The following HYDIN variants were observed in gnomAD, a reference collection of about 807,000 sequenced individuals.
The protein encoded by HYDIN is HYDIN axonemal central pair apparatus protein, also known as axonemal central pair apparatus protein HYDIN.
A neutral mutation model predicts 403.9 loss-of-function variants in HYDIN; 132 were observed. The ratio of observed to expected loss-of-function variants is 0.33; its 90% CI spans 0.28 to 0.38. The LOEUF (loss-of-function observed/expected upper bound fraction) is 0.38, where lower values mean the gene tolerates loss of function less well. Among genes scored for constraint, HYDIN ranks in the 10% least tolerant of loss-of-function variants. The probability of loss-of-function intolerance (pLI) is 1.00; values close to 1 mark genes in which losing one functional copy is unlikely to be tolerated. For missense variants in HYDIN, 2,827 were observed against 5,009.5 expected, an observed-to-expected ratio of 0.56 and a Z score of 13.15; for synonymous variants, 1,202 against 1,891.7, an observed-to-expected ratio of 0.64 and a Z score of 9.46.
intron 65 of HYDIN, 119 bp downstream of exon 65, chr16:70,871,918 T>G (rs1462131639): frequency 8.6e-6 from 5 of 584,218 alleles, no homozygotes; most frequent in Admixed American, 2.9e-5. Context: ...TCCTGGGCTG[T>G]CTCTCAGCTT....
At chr16:71,120,840 T>G (rs984503436) in intron 9 of HYDIN, among the ~76,000 whole-genome samples, 7 of 152,158 alleles carry the variant, frequency 4.6e-5, no homozygotes, top group Non-Finnish European at 1.0e-4. Flanking sequence ...CGACTCAACT[T>G]TTACATTTAT....
intron 18 of HYDIN, among the ~76,000 whole-genome samples, chr16:71,048,485 C>T (rs529165065): frequency 2.2e-5 from 3 of 135,426 alleles, no homozygotes; most frequent in Non-Finnish European, 5.0e-5. Flanking sequence ...CTTTTCTCAG[C>T]ATTATTGCCA....
At position 71,197,760 on chromosome 16, in the gene HYDIN, T is replaced by TTGTC. The variant is rs200339479; in HGVS notation, c.-23-10843_-23-10842insGACA. Reference sequence around the variant, plus strand: ...GATTTGATTCTCTTTGTTTGTTTGTTTGTTTGTTTGAGACAGAGTCTTACC... The same window carrying TTGTC: ...GATTTGATTCTCTTTGTTTGTTTGTTTGTCTGTTTGTTTGAGACAGAGTCTTACC... On this transcript the variant is annotated intron_variant, in intron 1 of 85. Coordinates refer to ENST00000393567, the MANE Select transcript of HYDIN (RefSeq NM_001270974.2). Among the ~76,000 whole-genome samples, 1,299 of 152,322 alleles carry TTGTC rather than the reference T, an allele frequency of 8.5e-3. 17 individuals are homozygous for TTGTC. Among genetic ancestry groups the TTGTC allele is most frequent in the African/African-American group, 0.03 (1,235 of 41,560 alleles).
At chr16:71,073,270 A>T (rs1035095343) in intron 13 of HYDIN, among the ~76,000 whole-genome samples, 1 of 151,922 alleles carries the variant, frequency 6.6e-6, no homozygotes, top group Non-Finnish European at 1.5e-5. Context: ...CTTGTTTCTT[A>T]TCTTAAGGTT....
At chr16:71,085,736 T>G (rs2082913223) in intron 12 of HYDIN, among the ~76,000 whole-genome samples, 1 of 152,234 alleles carries the variant, frequency 6.6e-6, no homozygotes, top group Admixed American at 6.5e-5. Context: ...CAATTTTTAT[T>G]TTAAAGTCTA....
intron 5 of HYDIN, among the ~76,000 whole-genome samples, chr16:71,173,577 C>T (rs556778702): frequency 3.3e-5 from 5 of 152,332 alleles, no homozygotes; most frequent in Admixed American, 2.0e-4. Flanking sequence ...GACAGACTAG[C>T]ATGACAAACC....
intron 58 of HYDIN, among the ~76,000 whole-genome samples, chr16:70,888,193 C>T (rs897022943): frequency 1.3e-5 from 2 of 152,278 alleles, no homozygotes; most frequent in East Asian, 3.8e-4. Context: ...ACACCTCTCT[C>T]ATCTCAGTGT....
At chr16:70,902,821 ATTTTTTTTT>A (rs60618592) in intron 52 of HYDIN, among the ~76,000 whole-genome samples, 1 of 47,318 alleles carries the variant, frequency 2.1e-5, no homozygotes, top group African/African-American at 1.2e-4. Flanking sequence ...ATATATATAT[ATTTTTTTTT>A]TTTTTTTTGT....
chr16:70,875,213 C>G (rs1039041265), intron 62 of HYDIN, among the ~76,000 whole-genome samples: 1 of 150,098 alleles, frequency 6.7e-6, no homozygotes, highest in African/African-American at 2.5e-5. Flanking sequence ...GCCAACACCT[C>G]TGTCATTAAC....
intron 4 of HYDIN, 101 bp from the exon 5 acceptor site, chr16:71,175,842 C>G: frequency 8.7e-7 from 1 of 1,155,310 alleles, no homozygotes; most frequent in Admixed American, 1.7e-5. Context: ...TGACCTTGGT[C>G]AGGTCTGAAC....
chr16:70,833,363 T>A (rs1249453721), intron 79 of HYDIN, among the ~76,000 whole-genome samples: 1 of 137,820 alleles, frequency 7.3e-6, no homozygotes, highest in African/African-American at 3.0e-5. Flanking sequence ...TGAACACACA[T>A]ACACATGTGT....
At chr16:71,229,432 A>G (rs1174123762) in intron 1 of HYDIN, among the ~76,000 whole-genome samples, 1 of 152,242 alleles carries the variant, frequency 6.6e-6, no homozygotes, top group African/African-American at 2.4e-5. Context: ...AAATAATAAC[A>G]TATGTCCATA....
chr16:70,871,412 A>G (rs1437656340), intron 65 of HYDIN, among the ~76,000 whole-genome samples: 1 of 152,182 alleles, frequency 6.6e-6, no homozygotes, highest in Non-Finnish European at 1.5e-5. Flanking sequence ...TGAACTATCT[A>G]CAAAAAGCAA....
At chr16:71,003,962 T>C (rs914589952) in intron 23 of HYDIN, among the ~76,000 whole-genome samples, 2 of 151,712 alleles carry the variant, frequency 1.3e-5, no homozygotes, top group African/African-American at 4.8e-5. Flanking sequence ...TCTAGTCTCT[T>C]TTATTTACTT....
chr16:71,022,659 T>C (rs566089097), intron 21 of HYDIN, among the ~76,000 whole-genome samples: 1,762 of 151,166 alleles, frequency 0.012, 13 homozygotes, highest in Non-Finnish European at 0.018. Flanking sequence ...CATTTCTTCA[T>C]TGTCCCTGAT....
intron 71 of HYDIN, among the ~76,000 whole-genome samples, chr16:70,859,820 TCA>T (rs2039290575): frequency 6.6e-6 from 1 of 152,200 alleles, no homozygotes; most frequent in South Asian, 2.1e-4. Context: ...TTAAATGTTC[TCA>T]GTTTTAAAAA....
At chr16:70,897,561 T>A (rs1362462229) in intron 53 of HYDIN, among the ~76,000 whole-genome samples, 1 of 147,576 alleles carries the variant, frequency 6.8e-6, no homozygotes, top group Non-Finnish European at 1.5e-5. Context: ...AGTGCCTCCC[T>A]CCTGAGGGAT....
intron 1 of HYDIN, among the ~76,000 whole-genome samples, chr16:71,198,251 C>T (rs1407340309): frequency 6.6e-6 from 1 of 152,164 alleles, no homozygotes; most frequent in African/African-American, 2.4e-5. Context: ...ATTTATTTAT[C>T]CATTCTACCA....
chr16:70,992,225 G>A lies in HYDIN; in HGVS notation c.3645-15C>T. On this transcript the variant is annotated splice_polypyrimidine_tract_variant and intron_variant, in intron 23 of 85. Coordinates refer to ENST00000393567, the MANE Select transcript of HYDIN (RefSeq NM_001270974.2). ...ATGTCACAAACCTACCAAAGCATGG[G>A]ACAGGGAATAGGGGGAGACAGGAGA... 2 of 1,545,052 alleles carry A rather than the reference G, an allele frequency of 1.3e-6. No individual in the cohort carries two copies. Among genetic ancestry groups the A allele is most frequent in the South Asian group, 1.2e-5 (1 of 80,384 alleles).
Sources: gnomAD v4.1 joint callset for allele counts (sites outside exome capture counted in the v4.1 genomes callset) on GRCh38, gnomAD v4.1.1 for gene constraint, MANE v1.5 for transcripts, NCBI Gene and HGNC (gene_info 2026-07-23, HGNC 2026-07-21) for gene names.